Variants in SPC25 observed in about 807,000 individuals in gnomAD.
SPC25 encodes the protein kinetochore protein Spc25.
In SPC25, 22 loss-of-function variants were observed where a neutral mutation model predicts 29.6. The ratio of observed to expected loss-of-function variants is 0.74; its 90% confidence interval spans 0.53 to 1.06. The LOEUF (loss-of-function observed/expected upper bound fraction) is 1.06. Among genes scored for constraint, SPC25 ranks in the 50% least tolerant of loss-of-function variants. The probability of loss-of-function intolerance (pLI) is 0.00; values close to 1 mark genes in which losing one functional copy is unlikely to be tolerated. For missense variants in SPC25, 230 were observed against 255.8 expected (o/e 0.90, Z 0.69); for synonymous variants, 91 against 90.4 (o/e 1.01, Z -0.04).
rs375657267 is a variant in SPC25, at chr2:168,889,524, T to C, written c.-5A>G. 10 of 1,612,098 alleles carry C rather than the reference T, an allele frequency of 6.2e-6. No individual in the cohort carries two copies. In the African/African-American group the frequency reaches 1.1e-4, roughly 17 times the overall value. On this transcript the variant is annotated 5_prime_UTR_variant, in exon 2 of 7. Coordinates refer to ENST00000282074, the MANE Select transcript of SPC25 (RefSeq NM_020675.4). ...TGCCAGTTCGTCCTCTACCATTATG[T>C]AGGACAATGCTAAAAACAGAATACA...
Position 168,863,284 on chromosome 2 carries a change from G to C in SPC25, n.419+10301C>G, listed in dbSNP as rs911841629. ...CAATTTACTGACGAGGGAGAACTTA[G>C]AGACCGAGAATAATGTCCTTTAAGA... On this transcript the variant is annotated intron_variant and non_coding_transcript_variant, in intron 4 of 4. Transcript: ENST00000479309. 7 of 441,126 alleles carry C rather than the reference G, an allele frequency of 1.6e-5. No homozygotes were observed. In the East Asian group the frequency reaches 1.1e-3, roughly 70 times the overall value. The allele number at this position is 441,126 out of a possible 1,614,324, so 27.3% of individuals were successfully genotyped here.
chr2:168,887,378 T>G (rs1690286704), intron 3 of SPC25, among the ~76,000 whole-genome samples: 1 of 149,026 alleles, frequency 6.7e-6, no homozygotes, highest in Non-Finnish European at 1.5e-5. Context: ...GCCGAGATCA[T>G]GCCACTGCAC....
intron 3 of SPC25, among the ~76,000 whole-genome samples, chr2:168,884,005 G>A (rs540549817): frequency 2.0e-5 from 3 of 152,132 alleles, no homozygotes; most frequent in Non-Finnish European, 2.9e-5. Flanking sequence ...TTTTGACCTC[G>A]TGATCCGCCT....
rs1319642393 is a variant in SPC25, at chr2:168,871,294, T to G, written c.*137A>C. On this transcript the variant is annotated 3_prime_UTR_variant, in exon 7 of 7. Coordinates refer to ENST00000282074, the MANE Select transcript of SPC25 (RefSeq NM_020675.4). Reference sequence around the variant, plus strand: ...GGGTGCAGCACACCAATATGGCACATGTATACATATGTAACAAACCTGCAC... The same window carrying G: ...GGGTGCAGCACACCAATATGGCACAGGTATACATATGTAACAAACCTGCAC... 1.6e-5 allele frequency: 12 copies of G among 746,504 alleles called. No homozygotes were observed. The highest frequency in any genetic ancestry group is 2.5e-5 in the Non-Finnish European group (12 of 487,962). 46.2% of individuals were successfully genotyped at this position (746,504 alleles called of 1,614,324 possible). A position where few individuals can be genotyped will look rare whatever the true frequency, so the allele number is the denominator to read the frequency against.
At chr2:168,870,005 A>G (rs961055302), downstream of SPC25, among the ~76,000 whole-genome samples, 6 of 152,266 alleles carry the variant, frequency 3.9e-5, no homozygotes, top group South Asian at 2.1e-4. Context: ...GTACCAAAAC[A>G]GAGATATAGA....
At position 168,877,347 on chromosome 2, in the gene SPC25, C is replaced by CT; in HGVS notation, c.236dup (p.Asp80GlyfsTer2). The CT allele has an allele frequency of 6.2e-7, 1 of 1,613,632 alleles. No homozygotes were observed. The highest frequency in any genetic ancestry group is 8.5e-7 in the Non-Finnish European group (1 of 1,179,810). Reference sequence around the variant, plus strand: ...CAGCAATCAATTTTAACAAGTTATCCTTTTTTTCTTGAATGAGCTTATTTT... The same window carrying CT: ...CAGCAATCAATTTTAACAAGTTATCCTTTTTTTTCTTGAATGAGCTTATTTT... On this transcript the variant is annotated frameshift_variant, in exon 4 of 7. Coordinates refer to ENST00000282074, the MANE Select transcript of SPC25 (RefSeq NM_020675.4). LOFTEE classifies it high-confidence loss of function.
intron 3 of SPC25, among the ~76,000 whole-genome samples, chr2:168,883,291 G>A (rs1486849395): frequency 2.6e-5 from 4 of 151,996 alleles, no homozygotes; most frequent in Non-Finnish European, 5.9e-5. Flanking sequence ...AAAAACAAAA[G>A]CTAGAAAGTT....
At position 168,873,769 on chromosome 2, in the gene SPC25, GCTAAGTATA is replaced by G. The variant is rs1295359988; in HGVS notation, c.452-95_452-87del. 8.5e-6 allele frequency: 7 copies of G among 827,312 alleles called. No homozygotes were observed. The Admixed American group carries it at 1.3e-4, about 15-fold the overall frequency. The allele number at this position is 827,312 out of a possible 1,614,324, so 51.2% of individuals were successfully genotyped here. A position where few individuals can be genotyped will look rare whatever the true frequency, so the allele number is the denominator to read the frequency against. On this transcript the variant is annotated intron_variant, in intron 5 of 6. Transcript: ENST00000282074. Reference sequence around the variant, plus strand: ...TCCATCTTTGATCAATATCTGCACTGCTAAGTATATACAGTCATGTAACCAACATTTCCA... The same window carrying G: ...TCCATCTTTGATCAATATCTGCACTGTACAGTCATGTAACCAACATTTCCA...
intron 4 of SPC25, chr2:168,864,976 G>GACTC (rs758730682): frequency 8.1e-6 from 13 of 1,613,678 alleles, no homozygotes; most frequent in Admixed American, 3.3e-5. Context: ...CATAAAACAA[G>GACTC]ACTCTGAACA....
intron 3 of SPC25, chr2:168,885,057 C>T (rs1233855449): frequency 1.3e-5 from 2 of 152,212 alleles, no homozygotes; most frequent in East Asian, 3.8e-4. Context: ...TGGCTGGCTT[C>T]CAGATGAATA....
rs1402776740 is a variant in SPC25 at position 168,889,393 on chromosome 2, A to G, written c.127T>C (p.Phe43Leu). Residue 43 changes from phenylalanine to leucine, a missense_variant, in exon 2 of 7, where the codon TTT becomes CTT. By Grantham distance (22) the Phe-to-Leu change is conservative. Transcript: ENST00000282074. ...RDTYKDSIKA[F>L]AEKLSVKLKE... is the part of the protein sequence containing the mutation. ...ACAAGTTAACACTAGGTACCTGCAA[A>G]TGCTTTGATGGAATCCTTGTAGGTA... 9.9e-6 allele frequency: 16 copies of G among 1,613,974 alleles called. No homozygotes were observed. Among genetic ancestry groups the G allele is most frequent in the African/African-American group, 1.3e-5 (1 of 74,896 alleles).
chr2:168,864,935 C>T (rs776698855), intron 4 of SPC25: 2 of 1,614,100 alleles, frequency 1.2e-6, no homozygotes, highest in East Asian at 4.5e-5. Flanking sequence ...GGAGGAGTTA[C>T]CTTCAAATGC....
chr2:168,870,103 G>C (rs1689950824), downstream of SPC25, among the ~76,000 whole-genome samples: 1 of 151,928 alleles, frequency 6.6e-6, no homozygotes, highest in African/African-American at 2.4e-5. Context: ...ACAAGCAATG[G>C]GGAAAGGATT....
chr2:168,878,325 A>G (rs1482019447), intron 3 of SPC25, among the ~76,000 whole-genome samples: 2 of 152,242 alleles, frequency 1.3e-5, no homozygotes, highest in Non-Finnish European at 2.9e-5. Context: ...TGAAGGTGTA[A>G]TATTAGGAAA....
downstream of SPC25, among the ~76,000 whole-genome samples, chr2:168,868,127 G>A (rs1326566531): frequency 1.3e-5 from 2 of 152,210 alleles, no homozygotes; most frequent in East Asian, 1.9e-4. Flanking sequence ...CGAAATGAAG[G>A]CAGAAATAAA....
At chr2:168,862,385 C>T (rs1018014302) in intron 4 of SPC25, among the ~76,000 whole-genome samples, 9 of 152,154 alleles carry the variant, frequency 5.9e-5, no homozygotes, top group South Asian at 2.1e-4. Flanking sequence ...GCTGTGGCAA[C>T]ACAAGATTTG....
chr2:168,876,272 G>A, intron 4 of SPC25, 96 bp from the exon 5 acceptor site: 2 of 859,732 alleles, frequency 2.3e-6, no homozygotes, highest in Non-Finnish European at 3.4e-6. Context: ...ACTATAAAAT[G>A]ATGCCAAGCC....
At chr2:168,889,350 C>T in intron 2 of SPC25, 37 bp downstream of exon 2, 1 of 1,613,322 alleles carries the variant, frequency 6.2e-7, no homozygotes, top group Non-Finnish European at 8.5e-7. Context: ...TAAACTAGAA[C>T]AGCAAAACCA....
intron 3 of SPC25, among the ~76,000 whole-genome samples, chr2:168,884,322 A>G (rs1302446053): frequency 6.6e-6 from 1 of 152,238 alleles, no homozygotes; most frequent in Non-Finnish European, 1.5e-5. Flanking sequence ...TCTCTGTCTT[A>G]GACAGACTTC....
Sources: gnomAD v4.1 joint callset for allele counts (sites outside exome capture counted in the v4.1 genomes callset) on GRCh38, gnomAD v4.1.1 for gene constraint, MANE v1.5 for transcripts, NCBI Gene and HGNC (gene_info 2026-07-23, HGNC 2026-07-21) for gene names.